The following SFXN1 variants were observed in gnomAD, a reference collection of about 807,000 sequenced individuals.
The protein encoded by SFXN1 is sideroflexin-1.
A neutral mutation model predicts 39.5 loss-of-function variants in SFXN1; 32 were observed. The ratio of observed to expected loss-of-function variants is 0.81; its 90% CI spans 0.61 to 1.09. The LOEUF (loss-of-function observed/expected upper bound fraction) is 1.09. Among genes scored for constraint, SFXN1 ranks in the 50% least tolerant of loss-of-function variants. The probability of loss-of-function intolerance (pLI) is 0.00; values close to 1 mark genes in which losing one functional copy is unlikely to be tolerated. For missense variants in SFXN1, 402 were observed against 407.1 expected, an observed-to-expected ratio of 0.99 and a Z score of 0.11; for synonymous variants, 136 against 146.5, an observed-to-expected ratio of 0.93 and a Z score of 0.52.
intron 9 of SFXN1, 77 bp downstream of exon 9, chr5:175,522,045 T>C: frequency 8.1e-7 from 1 of 1,234,218 alleles, no homozygotes; most frequent in Non-Finnish European, 1.1e-6. Context: ...GACTGGGTAA[T>C]ATGGGATACA....
At chr5:175,491,364 GT>G (rs1196638828) in intron 1 of SFXN1, 9 of 152,004 alleles carry the variant, frequency 5.9e-5, no homozygotes, top group Non-Finnish European at 1.2e-4. Flanking sequence ...TTAATCATTA[GT>G]CATTTCTCCT....
At chr5:175,499,987 A>C (rs984568841) in intron 2 of SFXN1, among the ~76,000 whole-genome samples, 2 of 152,172 alleles carry the variant, frequency 1.3e-5, no homozygotes, top group African/African-American at 4.8e-5. Flanking sequence ...TCAGAAGTTC[A>C]AGACCAGCCT....
chr5:175,513,614 T>G (rs1325327363), intron 7 of SFXN1, 24 bp downstream of exon 7: 1 of 1,612,208 alleles, frequency 6.2e-7, no homozygotes, highest in East Asian at 2.2e-5. Context: ...TGTCATTTAT[T>G]CCATAAATAC....
At position 175,487,601 on chromosome 5, in the gene SFXN1, C is replaced by T. The variant is rs540098807; in HGVS notation, c.-9-4494C>T. 2.6e-5 allele frequency among the ~76,000 whole-genome samples: 4 copies of T among 152,296 alleles called. No homozygotes were observed. In the South Asian group the frequency reaches 6.2e-4, roughly 24 times the overall value. ...CTTTCTGACCTCTTCACACCACAGT[C>T]CTTGGATCTCTTTATTTACCTTCAC... On this transcript the variant is annotated intron_variant, in intron 1 of 10. Coordinates refer to ENST00000321442, the MANE Select transcript of SFXN1 (RefSeq NM_022754.7).
intron 7 of SFXN1, 107 bp downstream of exon 7, chr5:175,513,697 C>G: frequency 8.1e-7 from 1 of 1,229,380 alleles, no homozygotes; most frequent in South Asian, 1.3e-5. Flanking sequence ...GTGGAAATTG[C>G]CTTCCACTGG....
chr5:175,510,055 A>C (rs1760456670), intron 3 of SFXN1, 54 bp from the exon 4 acceptor site: 14 of 1,453,736 alleles, frequency 9.6e-6, no homozygotes, highest in Non-Finnish European at 1.3e-5. Context: ...TTTCTGTTCC[A>C]TGCCGCGGCT....
intron 10 of SFXN1, chr5:175,523,680 T>C (rs1011104761): frequency 1.3e-5 from 2 of 152,200 alleles, no homozygotes; most frequent in Non-Finnish European, 2.9e-5. Flanking sequence ...CCAACATTTA[T>C]TTTTTATGAT....
chr5:175,513,324 ACAG>A (rs1760594298), intron 6 of SFXN1, 136 bp from the exon 7 acceptor site: 15 of 320,038 alleles, frequency 4.7e-5, no homozygotes, highest in South Asian at 1.1e-4. Flanking sequence ...AAAAAAAAAA[ACAG>A]ATGTGTCAGT....
chr5:175,484,249 C>T (rs1759364695), intron 1 of SFXN1: 1 of 152,246 alleles, frequency 6.6e-6, no homozygotes, highest in Admixed American at 6.5e-5. Flanking sequence ...TGATCTTTAC[C>T]CAGTTTCAAC....
chr5:175,524,126 ATATATATATATATATATATATATAT>A (rs1390300712), intron 10 of SFXN1: 7 of 20,278 alleles, frequency 3.5e-4, no homozygotes, highest in African/African-American at 1.8e-3. Flanking sequence ...AAAAAAAAAA[ATATATATATATATATATATATATAT>A]ATATATATAT....
intron 8 of SFXN1, among the ~76,000 whole-genome samples, chr5:175,521,031 A>G (rs1581327290): frequency 6.6e-6 from 1 of 151,896 alleles, no homozygotes; most frequent in African/African-American, 2.4e-5. Context: ...TATGCCTCCC[A>G]TGCATGTTGT....
chr5:175,526,728 A>C lies in SFXN1; in HGVS notation c.963A>C (p.Gly321=). 6.2e-7 allele frequency: 1 copy of C among 1,613,904 alleles called. No individual in the cohort carries two copies. The highest frequency in any genetic ancestry group is 8.5e-7 in the Non-Finnish European group (1 of 1,179,730). ...TGCGACGCGTGTACTTCAATAAGGGATTGTAAAGCAGGGAGGAAACCTCTG... is the reference window on the plus strand; with the variant it reads ...TGCGACGCGTGTACTTCAATAAGGGCTTGTAAAGCAGGGAGGAAACCTCTG... ...PELRRVYFNK[G]L The change falls in exon 11 of 11, where the codon GGA becomes GGC. Residue 321 remains glycine, a synonymous_variant. Coordinates refer to ENST00000321442, the MANE Select transcript of SFXN1 (RefSeq NM_022754.7).
chr5:175,509,347 T>C (rs1760431727), intron 3 of SFXN1, 145 bp downstream of exon 3: 1 of 692,400 alleles, frequency 1.4e-6, no homozygotes, highest in Non-Finnish European at 2.3e-6. Flanking sequence ...ATTGAATCAT[T>C]CCGTAATGTA....
At chr5:175,510,329 T>G in intron 4 of SFXN1, 122 bp downstream of exon 4, 1 of 735,466 alleles carries the variant, frequency 1.4e-6, no homozygotes, top group Non-Finnish European at 2.2e-6. Flanking sequence ...GAATATTATG[T>G]AGCATCCTTT....
intron 1 of SFXN1, among the ~76,000 whole-genome samples, chr5:175,479,739 G>C (rs1759160759): frequency 6.6e-6 from 1 of 152,146 alleles, no homozygotes; most frequent in Admixed American, 6.5e-5. Context: ...TCACTCCAGA[G>C]CCTGGGCACT....
At position 175,528,989 on chromosome 5, in the gene SFXN1, A is replaced by C. The variant is rs1380315309; in HGVS notation, c.*2255A>C. 1 of 152,214 alleles carries C rather than the reference A, an allele frequency of 6.6e-6. No homozygotes were observed. Among genetic ancestry groups the C allele is most frequent in the African/African-American group, 2.4e-5 (1 of 41,446 alleles). The allele number at this position is 152,214 out of a possible 1,614,324, so 9.4% of individuals were successfully genotyped here. A position where few individuals can be genotyped will look rare whatever the true frequency, so the allele number is the denominator to read the frequency against. On this transcript the variant is annotated 3_prime_UTR_variant, in exon 11 of 11. Coordinates refer to ENST00000321442, the MANE Select transcript of SFXN1 (RefSeq NM_022754.7). ...CAGTGAAGAGCTAATGACTGGTTAG[A>C]AGATTGACAAACTAACCAAAATTTT...
chr5:175,509,748 G>C (rs915408344), intron 3 of SFXN1, among the ~76,000 whole-genome samples: 3 of 152,280 alleles, frequency 2.0e-5, no homozygotes, highest in African/African-American at 7.2e-5. Flanking sequence ...ATATAGCATT[G>C]CAAGTGCTGT....
intron 2 of SFXN1, among the ~76,000 whole-genome samples, chr5:175,501,295 C>G (rs1760073549): frequency 6.6e-6 from 1 of 152,086 alleles, no homozygotes; most frequent in African/African-American, 2.4e-5. Context: ...GTCTCGATCT[C>G]CTGACCTCGT....
At chr5:175,482,157 G>A (rs572310823) in intron 1 of SFXN1, among the ~76,000 whole-genome samples, 38 of 152,290 alleles carry the variant, frequency 2.5e-4, no homozygotes, top group Admixed American at 5.9e-4. Context: ...TGGGTGTTCC[G>A]TCATGTCCCC....
Sources: allele counts gnomAD v4.1 joint callset (sites outside exome capture counted in the v4.1 genomes callset), GRCh38; gene constraint gnomAD v4.1.1; transcripts MANE v1.5; gene names NCBI Gene and HGNC (gene_info 2026-07-23, HGNC 2026-07-21).